Variants in MDGA2 observed in about 807,000 individuals in gnomAD.
MDGA2 encodes MAM domain-containing glycosylphosphatidylinositol anchor protein 2.
Under a neutral mutation model 117.8 loss-of-function variants are expected in MDGA2, and 40 were observed. The observed-to-expected ratio is 0.34, with a 90% CI of 0.26 to 0.44. The LOEUF (loss-of-function observed/expected upper bound fraction) is 0.44, where lower values mean the gene tolerates loss of function less well. Among genes scored for constraint, MDGA2 ranks in the 20% least tolerant of loss-of-function variants. The pLI is 1.00. For missense variants in MDGA2, 1,123 were observed against 1,250.6 expected, an observed-to-expected ratio of 0.90 and a Z score of 1.54; for synonymous variants, 452 against 439.0, an observed-to-expected ratio of 1.03 and a Z score of -0.37.
intron 1 of MDGA2, among the ~76,000 whole-genome samples, chr14:47,365,163 G>A (rs1351239242): frequency 2.0e-5 from 3 of 152,044 alleles, no homozygotes; most frequent in Non-Finnish European, 4.4e-5. Context: ...ATCTCCATCC[G>A]CCTCTCAATA....
At chr14:47,091,976 T>C (rs1247040615) in intron 6 of MDGA2, among the ~76,000 whole-genome samples, 1 of 152,152 alleles carries the variant, frequency 6.6e-6, no homozygotes, top group Non-Finnish European at 1.5e-5. Context: ...GTAAATACTC[T>C]GTACTCTTTC....
chr14:47,169,483 T>C (rs1884031609), intron 3 of MDGA2, among the ~76,000 whole-genome samples: 2 of 151,940 alleles, frequency 1.3e-5, no homozygotes, highest in South Asian at 2.1e-4. Context: ...ATATATCATG[T>C]TGCCTTCATT....
At chr14:47,282,705 AAAC>A (rs1190412988) in intron 2 of MDGA2, among the ~76,000 whole-genome samples, 65 of 148,614 alleles carry the variant, frequency 4.4e-4, no homozygotes, top group Non-Finnish European at 7.6e-4. Context: ...TCAAAAAAAA[AAAC>A]AAAAAACAAA....
chr14:47,195,951 A>G (rs1482053245), intron 3 of MDGA2, among the ~76,000 whole-genome samples: 2 of 152,094 alleles, frequency 1.3e-5, no homozygotes, highest in Admixed American at 1.3e-4. Flanking sequence ...TTTGATTTAC[A>G]TTTTAAATAT....
intron 5 of MDGA2, among the ~76,000 whole-genome samples, chr14:47,113,451 T>C (rs545174632): frequency 1.0e-3 from 154 of 151,990 alleles, no homozygotes; most frequent in Non-Finnish European, 1.8e-3. Context: ...CTGGCAGAGA[T>C]ACAATAAAAA....
At chr14:46,863,680 G>A (rs559967886) in intron 14 of MDGA2, among the ~76,000 whole-genome samples, 1 of 152,112 alleles carries the variant, frequency 6.6e-6, no homozygotes, top group South Asian at 2.1e-4. Context: ...CAGCTACTGT[G>A]TTCTCAGCCT....
chr14:47,446,953 T>C (rs1893135905), intron 1 of MDGA2, among the ~76,000 whole-genome samples: 2 of 152,160 alleles, frequency 1.3e-5, no homozygotes, highest in Admixed American at 1.3e-4. Context: ...TCATGCATTC[T>C]TGTAGTGACT....
At chr14:47,161,592 C>T (rs879346005) in intron 3 of MDGA2, among the ~76,000 whole-genome samples, 18 of 151,426 alleles carry the variant, frequency 1.2e-4, no homozygotes, top group Non-Finnish European at 1.6e-4. Context: ...TGAGAGAATA[C>T]CCAAGAAGAG....
intron 1 of MDGA2, among the ~76,000 whole-genome samples, chr14:47,370,170 C>T (rs1295938772): frequency 6.6e-6 from 1 of 151,672 alleles, no homozygotes; most frequent in East Asian, 1.9e-4. Context: ...TCATTCTTGC[C>T]ATGAGCTTAA....
intron 1 of MDGA2, among the ~76,000 whole-genome samples, chr14:47,545,603 G>A (rs1895447076): frequency 6.6e-6 from 1 of 152,098 alleles, no homozygotes; most frequent in South Asian, 2.1e-4. Flanking sequence ...ATTTACACAG[G>A]TGACTTTCTT....
intron 6 of MDGA2, among the ~76,000 whole-genome samples, chr14:47,063,393 T>C (rs1889963470): frequency 6.6e-6 from 1 of 152,026 alleles, no homozygotes; most frequent in African/African-American, 2.4e-5. Flanking sequence ...ATTTTGGTAT[T>C]CTGTTACCTA....
chr14:47,192,480 T>C (rs2139410865), intron 3 of MDGA2, among the ~76,000 whole-genome samples: 1 of 151,920 alleles, frequency 6.6e-6, no homozygotes, highest in Admixed American at 6.6e-5. Context: ...CCTGGTGTGG[T>C]GGCACGTAGC....
At chr14:47,345,202 A>G (rs911998123) in intron 1 of MDGA2, among the ~76,000 whole-genome samples, 1 of 152,132 alleles carries the variant, frequency 6.6e-6, no homozygotes, top group African/African-American at 2.4e-5. Context: ...GTAGTTCTAC[A>G]GTTCTGAATA....
In MDGA2 at chr14:47,005,067, C is replaced by T. The variant is rs148315786; in HGVS notation, c.1819+29944G>A. ...ATCTGTGAATAAAGACAGTTTATTT[C>T]TTTGCAATATTGATGCGATTTATGT... On this transcript the variant is annotated intron_variant, in intron 8 of 16. Transcript: ENST00000399232. 1.3e-3 allele frequency among the ~76,000 whole-genome samples: 204 copies of T among 151,554 alleles called. 2 individuals are homozygous for T. Among genetic ancestry groups the T allele is most frequent in the Admixed American group, 2.3e-3 (35 of 15,188 alleles).
intron 10 of MDGA2, among the ~76,000 whole-genome samples, chr14:46,893,653 G>A (rs1264369495): frequency 6.6e-6 from 1 of 151,720 alleles, no homozygotes; most frequent in Non-Finnish European, 1.5e-5. Flanking sequence ...AATTAAAAAA[G>A]ACAAATTTAA....
chr14:47,385,919 T>C (rs886920684), intron 1 of MDGA2, among the ~76,000 whole-genome samples: 11 of 152,188 alleles, frequency 7.2e-5, no homozygotes, highest in Admixed American at 6.6e-4. Context: ...CAAGTTGTAA[T>C]TCAGAATGGT....
chr14:47,012,974 T>G (rs1566574204), intron 8 of MDGA2, among the ~76,000 whole-genome samples: 1 of 152,178 alleles, frequency 6.6e-6, no homozygotes, highest in Non-Finnish European at 1.5e-5. Flanking sequence ...CATCTAAGCC[T>G]TCATCGAGTT....
intron 1 of MDGA2, among the ~76,000 whole-genome samples, chr14:47,364,467 T>C (rs1891189302): frequency 6.6e-6 from 1 of 152,104 alleles, no homozygotes. Flanking sequence ...GGTTTCACCG[T>C]GTTAGCCAGA....
At chr14:46,967,488 C>T (rs1490997466) in intron 8 of MDGA2, among the ~76,000 whole-genome samples, 4 of 152,050 alleles carry the variant, frequency 2.6e-5, no homozygotes, top group African/African-American at 9.7e-5. Flanking sequence ...CTTCCATTGC[C>T]CATTAAGAAG....
Sources: gnomAD v4.1 joint callset for allele counts (sites outside exome capture counted in the v4.1 genomes callset) on GRCh38, gnomAD v4.1.1 for gene constraint, MANE v1.5 for transcripts, NCBI Gene and HGNC (gene_info 2026-07-23, HGNC 2026-07-21) for gene names.